The following OTOP1 variants were observed in gnomAD, a reference collection of about 807,000 sequenced individuals.
The protein encoded by OTOP1 is proton channel OTOP1.
OTOP1 carries 59 observed loss-of-function variants against 52.9 expected under a neutral mutation model. That is an observed-to-expected ratio of 1.12 (90% confidence interval 0.91 to 1.39). OTOP1 has a LOEUF of 1.39. OTOP1 is among the 40% of genes most tolerant of loss of function. The pLI is 0.00. For missense variants in OTOP1, 761 were observed against 800.9 expected (o/e 0.95, Z 0.60); for synonymous variants, 317 against 337.7 (o/e 0.94, Z 0.67).
chr4:4,208,970 G>A (rs967704217), intron 2 of OTOP1, among the ~76,000 whole-genome samples: 4 of 152,126 alleles, frequency 2.6e-5, no homozygotes, highest in Admixed American at 6.5e-5. Context: ...AGAGTTCATC[G>A]TTTCTAGAGG....
chr4:4,205,071 C>G (rs1482257299), intron 3 of OTOP1, among the ~76,000 whole-genome samples: 2 of 152,162 alleles, frequency 1.3e-5, no homozygotes, highest in Non-Finnish European at 2.9e-5. Context: ...CGCGCCCAGT[C>G]CTACATGGTG....
At chr4:4,219,607 A>G (rs1717231220) in intron 1 of OTOP1, among the ~76,000 whole-genome samples, 3 of 151,640 alleles carry the variant, frequency 2.0e-5, no homozygotes, top group Non-Finnish European at 2.9e-5. Context: ...TGAAGCAGGA[A>G]AATGGCGTGA....
In OTOP1 at chr4:4,226,444, C is replaced by T; in HGVS notation, c.403+18G>A. The T allele has an allele frequency of 7.1e-7, 1 of 1,414,216 alleles. No homozygotes were observed. The allele number at this position is 1,414,216 out of a possible 1,614,324, so 87.6% of individuals were successfully genotyped here. A position where few individuals can be genotyped will look rare whatever the true frequency, so the allele number is the denominator to read the frequency against. On this transcript the variant is annotated intron_variant, in intron 1 of 5. Transcript: ENST00000296358. Reference sequence around the variant, plus strand: ...GGGCGAGGAGGCGGAGACCCGCTCGCCCGGCGCCTGGACTCACCGCGCAGC... The same window carrying T: ...GGGCGAGGAGGCGGAGACCCGCTCGTCCGGCGCCTGGACTCACCGCGCAGC...
At chr4:4,212,144 T>A (rs1365473545) in intron 2 of OTOP1, among the ~76,000 whole-genome samples, 1 of 152,186 alleles carries the variant, frequency 6.6e-6, no homozygotes, top group Non-Finnish European at 1.5e-5. Context: ...ATAGTTCAGA[T>A]CCTGACTCTG....
intron 5 of OTOP1, among the ~76,000 whole-genome samples, chr4:4,194,802 A>G (rs1716586206): frequency 6.6e-6 from 1 of 152,176 alleles, no homozygotes; most frequent in Non-Finnish European, 1.5e-5. Context: ...CCATCACTGC[A>G]GAGACTCATG....
Position 4,188,977 on chromosome 4 carries a change from C to T in OTOP1, c.1669-4G>A, listed in dbSNP as rs770430029. The T allele has an allele frequency of 1.9e-6, 3 of 1,609,942 alleles. No individual in the cohort carries two copies. The South Asian group carries it at 3.3e-5, about 18-fold the overall frequency. ...CAAAGGCGGGAGGTATCCAAAGCTG[C>T]AAGAGAAGAGAAAATGGCATGTGGT... On this transcript the variant is annotated splice_region_variant and splice_polypyrimidine_tract_variant and intron_variant, in intron 5 of 5. Coordinates refer to ENST00000296358, the MANE Select transcript of OTOP1 (RefSeq NM_177998.3).
At chr4:4,196,979 C>T (rs1397592121) in intron 5 of OTOP1, among the ~76,000 whole-genome samples, 187 bp downstream of exon 5, 4 of 152,164 alleles carry the variant, frequency 2.6e-5, no homozygotes, top group African/African-American at 4.8e-5. Flanking sequence ...AGGCCGGAAG[C>T]GGGGTGCAGG....
chr4:4,219,666 C>T (rs1030069847), intron 1 of OTOP1, among the ~76,000 whole-genome samples: 11 of 147,756 alleles, frequency 7.4e-5, no homozygotes, highest in Admixed American at 5.4e-4. Flanking sequence ...CACTGCACTC[C>T]AGCCTGGGCG....
intron 1 of OTOP1, among the ~76,000 whole-genome samples, chr4:4,220,375 C>A (rs1015594610): frequency 2.6e-5 from 4 of 151,944 alleles, no homozygotes. Flanking sequence ...ATCTTCCATA[C>A]CTCAAAACAG....
intron 5 of OTOP1, among the ~76,000 whole-genome samples, chr4:4,195,440 C>T (rs1388065065): frequency 6.6e-6 from 1 of 152,236 alleles, no homozygotes; most frequent in Non-Finnish European, 1.5e-5. Context: ...CTTCCCCAGC[C>T]TCCCTTGCAG....
chr4:4,200,141 T>C (rs1716749023), intron 4 of OTOP1, among the ~76,000 whole-genome samples: 1 of 152,202 alleles, frequency 6.6e-6, no homozygotes, highest in Non-Finnish European at 1.5e-5. Flanking sequence ...GTGTTGTGGA[T>C]TTTTTTGCTT....
intron 1 of OTOP1, among the ~76,000 whole-genome samples, chr4:4,215,226 C>G (rs1717113104): frequency 1.3e-5 from 2 of 152,208 alleles, no homozygotes; most frequent in South Asian, 4.1e-4. Flanking sequence ...CAGAGTCTGA[C>G]AAATGATACA....
At chr4:4,189,860 A>G (rs548153601) in intron 5 of OTOP1, among the ~76,000 whole-genome samples, 1 of 152,332 alleles carries the variant, frequency 6.6e-6, no homozygotes, top group East Asian at 1.9e-4. Flanking sequence ...AGATTTGGAA[A>G]CAAATCCTCT....
At chr4:4,196,631 G>C (rs537180752) in intron 5 of OTOP1, among the ~76,000 whole-genome samples, 1 of 152,332 alleles carries the variant, frequency 6.6e-6, no homozygotes, top group African/African-American at 2.4e-5. Context: ...AGGAGGCTGA[G>C]ATGGGAGGAT....
At chr4:4,209,764 TG>T (rs1716984285) in intron 2 of OTOP1, among the ~76,000 whole-genome samples, 1 of 152,134 alleles carries the variant, frequency 6.6e-6, no homozygotes. Flanking sequence ...CACACAGCTG[TG>T]GTTGGAGCCA....
At chr4:4,211,593 C>A (rs545472813) in intron 2 of OTOP1, among the ~76,000 whole-genome samples, 1 of 152,084 alleles carries the variant, frequency 6.6e-6, no homozygotes, top group Non-Finnish European at 1.5e-5. Context: ...CGTTTCTAAT[C>A]GAATGCACAA....
chr4:4,201,469 T>TACACACACACACACACACACAC (rs564159690), intron 4 of OTOP1, among the ~76,000 whole-genome samples: 1 of 137,670 alleles, frequency 7.3e-6, no homozygotes, highest in Non-Finnish European at 1.6e-5. Context: ...AATATATATA[T>TACACACACACACACACACACAC]ATACACACAC....
At position 4,206,053 on chromosome 4, in the gene OTOP1, A is replaced by C. The variant is rs757641046; in HGVS notation, c.599+19T>G. The C allele has an allele frequency of 6.9e-6, 11 of 1,582,748 alleles. No individual in the cohort carries two copies. The highest frequency in any genetic ancestry group is 9.5e-6 in the Non-Finnish European group (11 of 1,153,124). ...GAATGCCAAATTCAACATATAAAGCAATTACCCACAATTTTTACCTTTCCA... is the reference window on the plus strand; with the variant it reads ...GAATGCCAAATTCAACATATAAAGCCATTACCCACAATTTTTACCTTTCCA... On this transcript the variant is annotated intron_variant, in intron 3 of 5. Transcript: ENST00000296358.
At chr4:4,194,483 C>G (rs1407401389) in intron 5 of OTOP1, among the ~76,000 whole-genome samples, 2 of 152,242 alleles carry the variant, frequency 1.3e-5, no homozygotes, top group South Asian at 4.1e-4. Flanking sequence ...CGCCCCTCCT[C>G]ACTGCCTAGC....
Sources: gnomAD v4.1 joint callset for allele counts (sites outside exome capture counted in the v4.1 genomes callset) on GRCh38, gnomAD v4.1.1 for gene constraint, MANE v1.5 for transcripts, NCBI Gene and HGNC (gene_info 2026-07-23, HGNC 2026-07-21) for gene names.